Variants in PTPRM observed in about 807,000 individuals in gnomAD.
PTPRM encodes protein tyrosine phosphatase receptor type M.
PTPRM carries 47 observed loss-of-function variants against 186.7 expected under a neutral mutation model. The ratio of observed to expected loss-of-function variants is 0.25; its 90% CI spans 0.20 to 0.32. The LOEUF is 0.32. Ranked by LOEUF, PTPRM falls within the 10% of genes least tolerant of loss-of-function variation. PTPRM has a pLI of 1.00. For missense variants in PTPRM, 1,494 were observed against 1,865.0 expected (o/e 0.80, Z 3.66); for synonymous variants, 668 against 674.9 (o/e 0.99, Z 0.16).
intron 7 of PTPRM, among the ~76,000 whole-genome samples, chr18:7,977,025 A>C (rs2054996987): frequency 6.6e-6 from 1 of 151,928 alleles, no homozygotes; most frequent in Admixed American, 6.6e-5. Flanking sequence ...CATTCCTCAT[A>C]TTTAGCATGG....
intron 2 of PTPRM, among the ~76,000 whole-genome samples, chr18:7,832,495 C>T (rs1027955141): frequency 6.6e-6 from 1 of 151,812 alleles, no homozygotes; most frequent in African/African-American, 2.4e-5. Context: ...GAGTTGTTTG[C>T]ACTTCTTATA....
At chr18:8,046,606 C>T (rs2087079282) in intron 7 of PTPRM, among the ~76,000 whole-genome samples, 2 of 152,118 alleles carry the variant, frequency 1.3e-5, no homozygotes. Flanking sequence ...CCCCAGGGCC[C>T]CAGTCCGTGT....
In PTPRM at chr18:8,206,580, G is replaced by A. The variant is rs115389294; in HGVS notation, c.2301-37478G>A. Among the ~76,000 whole-genome samples the A allele has an allele frequency of 3.1e-3, 467 of 152,224 alleles. 1 individual carries two copies. Among genetic ancestry groups the A allele is most frequent in the African/African-American group, 0.01 (434 of 41,532 alleles). On this transcript the variant is annotated intron_variant, in intron 14 of 32. Transcript: ENST00000580170. ...TTTTAATAAGCAACAAATGACTGAT[G>A]TTCCTAAAGTAATCCATTCAAATTC...
At position 7,720,027 on chromosome 18, in the gene PTPRM, G is replaced by A. The variant is rs114860610; in HGVS notation, c.74-54122G>A. Among the ~76,000 whole-genome samples the A allele has an allele frequency of 4.9e-3, 739 of 152,178 alleles. 7 individuals are homozygous for A. The highest frequency in any genetic ancestry group is 0.016 in the African/African-American group (659 of 41,530). On this transcript the variant is annotated intron_variant, in intron 1 of 32. Transcript: ENST00000580170. Reference sequence around the variant, plus strand: ...TACCTGGGTGAGATAGCAAGACCCCGTCTCTTAAAAAATTAAGGAAACCCT... The same window carrying A: ...TACCTGGGTGAGATAGCAAGACCCCATCTCTTAAAAAATTAAGGAAACCCT...
At chr18:8,006,456 T>C (rs1325680953) in intron 7 of PTPRM, among the ~76,000 whole-genome samples, 1 of 152,182 alleles carries the variant, frequency 6.6e-6, no homozygotes, top group Non-Finnish European at 1.5e-5. Context: ...TCCTGTGTAA[T>C]TTATCACAAA....
intron 2 of PTPRM, among the ~76,000 whole-genome samples, chr18:7,827,283 C>T (rs1437564832): frequency 6.6e-6 from 1 of 152,172 alleles, no homozygotes; most frequent in Non-Finnish European, 1.5e-5. Context: ...ACATCACTCT[C>T]GACTCTCCTG....
chr18:8,254,531 C>T (rs80260353), intron 19 of PTPRM, among the ~76,000 whole-genome samples: 3,083 of 152,154 alleles, frequency 0.02, 45 homozygotes, highest in Middle Eastern at 0.031. Flanking sequence ...TTTTTTTAAA[C>T]CTTAGAATGT....
chr18:7,802,714 A>G (rs2044036059), intron 2 of PTPRM, among the ~76,000 whole-genome samples: 1 of 152,342 alleles, frequency 6.6e-6, no homozygotes, highest in South Asian at 2.1e-4. Flanking sequence ...TTTTCCTGCA[A>G]TAAGAAAGCT....
At chr18:8,394,803 G>A (rs1012818517) in intron 32 of PTPRM, among the ~76,000 whole-genome samples, 192 bp downstream of exon 32, 67 of 151,834 alleles carry the variant, frequency 4.4e-4, no homozygotes, top group African/African-American at 1.6e-3. Flanking sequence ...TTCTTCACAC[G>A]GAGACTTTGT....
At chr18:8,044,739 A>C (rs1161747834) in intron 7 of PTPRM, among the ~76,000 whole-genome samples, 5 of 144,936 alleles carry the variant, frequency 3.4e-5, no homozygotes, top group Non-Finnish European at 7.5e-5. Flanking sequence ...CCTGGGTAAC[A>C]GAGCAAGACT....
chr18:7,938,453 T>C (rs1458523711), intron 5 of PTPRM, among the ~76,000 whole-genome samples: 1 of 152,182 alleles, frequency 6.6e-6, no homozygotes, highest in East Asian at 1.9e-4. Flanking sequence ...AGTTTAAAAG[T>C]GAACTGGCTT....
intron 14 of PTPRM, among the ~76,000 whole-genome samples, chr18:8,240,689 GAGAA>G (rs1216755737): frequency 8.3e-5 from 7 of 83,988 alleles, no homozygotes; most frequent in African/African-American, 3.8e-4. Context: ...AAAAGAAAGA[GAGAA>G]AGAGAGAAAG....
chr18:8,378,212 T>TC (rs1355757621), intron 26 of PTPRM, 53 bp from the exon 27 acceptor site: 2 of 1,522,520 alleles, frequency 1.3e-6, no homozygotes, highest in Non-Finnish European at 1.8e-6. Context: ...ATACCGTCTT[T>TC]CCTCCTTCTC....
intron 1 of PTPRM, among the ~76,000 whole-genome samples, chr18:7,730,145 C>T (rs1172049888): frequency 1.3e-5 from 2 of 152,118 alleles, no homozygotes; most frequent in Admixed American, 1.3e-4. Flanking sequence ...GGCCTCTAAA[C>T]ATACTAAAAT....
chr18:7,886,577 C>G lies in PTPRM; in HGVS notation c.197-1529C>G, dbSNP rs2048798600. ...AAAGGGTATTTTTTTCATATGTGTT[C>G]AAAAAGCACATGAAGAAACATGGGG... is the stretch of plus-strand genomic sequence containing the variant. On this transcript the variant is annotated intron_variant, in intron 2 of 32. Transcript: ENST00000580170. Among the ~76,000 whole-genome samples the G allele has an allele frequency of 2.0e-5, 3 of 151,966 alleles. No homozygotes were observed. In the South Asian group the frequency reaches 6.2e-4, roughly 31 times the overall value.
At chr18:8,260,055 G>A (rs1056649519) in intron 19 of PTPRM, among the ~76,000 whole-genome samples, 10 of 152,198 alleles carry the variant, frequency 6.6e-5, no homozygotes, top group African/African-American at 1.9e-4. Context: ...AAGAAAAAAG[G>A]TTCTGCAAGC....
intron 11 of PTPRM, among the ~76,000 whole-genome samples, chr18:8,098,405 T>C (rs942049300): frequency 7.2e-5 from 11 of 152,222 alleles, no homozygotes; most frequent in Admixed American, 5.2e-4. Context: ...CCTCATCTTT[T>C]TCTTGCCAGC....
chr18:7,656,841 C>G (rs1019645421), intron 1 of PTPRM, among the ~76,000 whole-genome samples: 3 of 152,056 alleles, frequency 2.0e-5, no homozygotes, highest in Admixed American at 2.0e-4. Context: ...TGTCCTCCTC[C>G]TCCTGAGAAC....
chr18:7,897,300 A>C (rs1046463312), intron 3 of PTPRM, among the ~76,000 whole-genome samples: 2 of 152,204 alleles, frequency 1.3e-5, no homozygotes, highest in Non-Finnish European at 2.9e-5. Context: ...GGGAATACTG[A>C]TATGTGCCAG....
Sources: gnomAD v4.1 joint callset for allele counts (sites outside exome capture counted in the v4.1 genomes callset) on GRCh38, gnomAD v4.1.1 for gene constraint, MANE v1.5 for transcripts, NCBI Gene and HGNC (gene_info 2026-07-23, HGNC 2026-07-21) for gene names.